Variants in EIF3J observed in about 807,000 individuals in gnomAD.
EIF3J encodes the protein eukaryotic translation initiation factor 3 subunit J.
A neutral mutation model predicts 39.0 loss-of-function variants in EIF3J; 15 were observed. That is an observed-to-expected ratio of 0.38 (90% CI 0.26 to 0.59). The LOEUF is 0.59. Ranked by LOEUF, EIF3J falls within the 20% of genes least tolerant of loss-of-function variation. EIF3J has a pLI of 0.60. For missense variants in EIF3J, 226 were observed against 308.6 expected, an observed-to-expected ratio of 0.73 and a Z score of 2.00; for synonymous variants, 98 against 112.9, an observed-to-expected ratio of 0.87 and a Z score of 0.84.
intron 2 of EIF3J, among the ~76,000 whole-genome samples, chr15:44,545,167 T>C (rs189836159): frequency 6.6e-6 from 1 of 152,332 alleles, no homozygotes; most frequent in African/African-American, 2.4e-5. Context: ...CAGTTAGTTA[T>C]TTTATACTTC....
intron 2 of EIF3J, among the ~76,000 whole-genome samples, chr15:44,540,356 G>A (rs1446985278): frequency 6.7e-6 from 1 of 148,514 alleles, no homozygotes; most frequent in East Asian, 2.0e-4. Context: ...TTCCCGCCTC[G>A]GCCTCCCAGA....
At chr15:44,556,905 C>T (rs1043915707) in intron 5 of EIF3J, among the ~76,000 whole-genome samples, 1 of 152,122 alleles carries the variant, frequency 6.6e-6, no homozygotes, top group African/African-American at 2.4e-5. Flanking sequence ...AGCGATCCTT[C>T]CTCTTAGGCC....
chr15:44,553,789 A>C (rs143723370), intron 4 of EIF3J, among the ~76,000 whole-genome samples: 2 of 152,172 alleles, frequency 1.3e-5, no homozygotes, highest in African/African-American at 4.8e-5. Context: ...TCTTAAGGTA[A>C]ATACCTGGAA....
At chr15:44,560,228 G>A (rs554501486) in intron 6 of EIF3J, 21 bp from the exon 7 acceptor site, 6 of 1,591,860 alleles carry the variant, frequency 3.8e-6, no homozygotes, top group Non-Finnish European at 4.3e-6. Flanking sequence ...AAGTTTAATG[G>A]TATGCCCTTT....
chr15:44,553,272 C>G (rs969749629), intron 4 of EIF3J, among the ~76,000 whole-genome samples: 2 of 151,566 alleles, frequency 1.3e-5, no homozygotes, highest in Non-Finnish European at 2.9e-5. Context: ...GCAGGCAGAT[C>G]ACAAGGTCAG....
chr15:44,558,378 C>T (rs973717943), intron 6 of EIF3J, among the ~76,000 whole-genome samples: 5 of 151,806 alleles, frequency 3.3e-5, no homozygotes, highest in African/African-American at 9.7e-5. Context: ...CCAAAACAGG[C>T]GGATCACGAG....
At chr15:44,559,179 A>C (rs1252866391) in intron 6 of EIF3J, 1 of 149,406 alleles carries the variant, frequency 6.7e-6, no homozygotes, top group Non-Finnish European at 1.5e-5. Flanking sequence ...CTGGTAGATC[A>C]CCTGAGGTCA....
intron 2 of EIF3J, among the ~76,000 whole-genome samples, chr15:44,539,716 T>C (rs917404954): frequency 3.1e-4 from 47 of 150,674 alleles, no homozygotes; most frequent in Admixed American, 2.8e-3. Flanking sequence ...GCTGTTTTAG[T>C]GCTAAATTTC....
intron 2 of EIF3J, among the ~76,000 whole-genome samples, chr15:44,539,494 G>A (rs1435698134): frequency 6.6e-6 from 1 of 151,362 alleles, no homozygotes; most frequent in South Asian, 2.1e-4. Flanking sequence ...TGCAAGCTCC[G>A]CCTCCCAGGT....
rs1158782822 is a variant in EIF3J at position 44,549,664 on chromosome 15, G to A, written c.148-1212G>A. ...TGCTGGTAATCCCAGCTACTCGGGA[G>A]GCTGAGGCAGGAGAATCACTTGAAC... On this transcript the variant is annotated intron_variant, in intron 2 of 7. Coordinates refer to ENST00000261868, the MANE Select transcript of EIF3J (RefSeq NM_003758.4). 3.3e-5 allele frequency among the ~76,000 whole-genome samples: 5 copies of A among 151,616 alleles called. 1 individual carries two copies. The highest frequency in any genetic ancestry group is 1.3e-4 in the Admixed American group (2 of 15,214).
Position 44,554,668 on chromosome 15 carries a change from G to A in EIF3J, c.409+1G>A. On this transcript the variant is annotated splice_donor_variant, in intron 5 of 7. Transcript: ENST00000261868. LOFTEE classifies it high-confidence loss of function. The stretch of plus-strand genomic sequence containing the variant: ...CTCGAATTAGCAAAGGAAACTTTTG[G>A]TAAGACGGGATTATGATTGCAATAC... 3.7e-6 allele frequency: 6 copies of A among 1,600,560 alleles called. No individual in the cohort carries two copies. Among genetic ancestry groups the A allele is most frequent in the Non-Finnish European group, 5.1e-6 (6 of 1,170,386 alleles).
In EIF3J at chr15:44,560,310, G is replaced by T; in HGVS notation, c.633G>T (p.Gln211His). 2 of 1,612,252 alleles carry T rather than the reference G, an allele frequency of 1.2e-6. No homozygotes were observed. Among genetic ancestry groups the T allele is most frequent in the Non-Finnish European group, 8.5e-7 (1 of 1,179,530 alleles). The change falls in exon 7 of 8, where the codon CAG (glutamine) becomes CAT (histidine). Residue 211 changes from glutamine to histidine, a missense_variant. This residue lies in a region of EIF3J where 83 missense variants were observed against 152.6 expected (regional missense o/e 0.54). Transcript: ENST00000261868. ...NSLTVLCSEK[Q>H]KQEKQSKAKK... is the part of the protein sequence containing the mutation. Reference sequence around the variant, plus strand: ...TGACTGTGCTTTGCAGTGAAAAACAGAAGCAAGAAAAGGTAAGAGCAAGCT... The same window carrying T: ...TGACTGTGCTTTGCAGTGAAAAACATAAGCAAGAAAAGGTAAGAGCAAGCT...
intron 5 of EIF3J, among the ~76,000 whole-genome samples, chr15:44,555,984 G>A (rs979823804): frequency 2.0e-5 from 3 of 152,008 alleles, no homozygotes; most frequent in African/African-American, 7.2e-5. Flanking sequence ...AGCCTCCCAA[G>A]TAGCTGGGAC....
chr15:44,556,690 G>A (rs2899119), intron 5 of EIF3J, among the ~76,000 whole-genome samples: 14,976 of 151,906 alleles, frequency 0.099, 1,518 homozygotes, highest in African/African-American at 0.24. Flanking sequence ...TTGTATTTTT[G>A]GTAGAGACAG....
intron 2 of EIF3J, among the ~76,000 whole-genome samples, chr15:44,540,261 ATATATATTTTT>A (rs1342100744): frequency 3.5e-5 from 2 of 57,830 alleles, no homozygotes; most frequent in East Asian, 5.6e-4. Flanking sequence ...ATATATATAT[ATATATATTTTT>A]TTTTTTTTTT....
chr15:44,540,351 G>A (rs1393076575), intron 2 of EIF3J, among the ~76,000 whole-genome samples: 2 of 147,112 alleles, frequency 1.4e-5, no homozygotes, highest in East Asian at 4.0e-4. Context: ...TGATCTTCCC[G>A]CCTCGGCCTC....
chr15:44,554,331 C>T (rs1364861466), intron 4 of EIF3J, among the ~76,000 whole-genome samples: 1 of 135,512 alleles, frequency 7.4e-6, no homozygotes, highest in African/African-American at 2.8e-5. Flanking sequence ...GAGCGAAGAT[C>T]ATGCCACTGT....
intron 2 of EIF3J, among the ~76,000 whole-genome samples, chr15:44,540,703 A>G (rs1318882214): frequency 6.6e-6 from 1 of 152,180 alleles, no homozygotes; most frequent in Non-Finnish European, 1.5e-5. Flanking sequence ...AGCCTCCTAA[A>G]ATGCTGGGAT....
chr15:44,556,774 A>G (rs963924629), intron 5 of EIF3J, among the ~76,000 whole-genome samples: 4 of 152,100 alleles, frequency 2.6e-5, no homozygotes, highest in Non-Finnish European at 5.9e-5. Context: ...GGCCTCCCAA[A>G]GTGTTGGGAT....
Sources: gnomAD v4.1 joint callset for allele counts (sites outside exome capture counted in the v4.1 genomes callset) on GRCh38, gnomAD v4.1.1 for gene constraint, gnomAD v4.1.1 regional missense constraint, MANE v1.5 for transcripts, NCBI Gene and HGNC (gene_info 2026-07-23, HGNC 2026-07-21) for gene names.